RASSF8: variants seen among roughly 807,000 people sequenced by gnomAD.
RASSF8 encodes the protein Ras association domain family member 8, also known as ras association domain-containing protein 8.
A neutral mutation model predicts 48.5 loss-of-function variants in RASSF8; 22 were observed. The ratio of observed to expected loss-of-function variants is 0.45; its 90% CI spans 0.32 to 0.65. The LOEUF is 0.65. RASSF8 is among the 30% of genes least tolerant of loss of function. The pLI, the probability that RASSF8 is intolerant of heterozygous loss-of-function variation, is 0.03. For missense variants in RASSF8, 418 were observed against 489.2 expected, an observed-to-expected ratio of 0.85 and a Z score of 1.37; for synonymous variants, 127 against 171.5, an observed-to-expected ratio of 0.74 and a Z score of 2.03.
intron 1 of RASSF8, among the ~76,000 whole-genome samples, chr12:25,980,806 A>G (rs961887682): frequency 6.6e-6 from 1 of 152,226 alleles, no homozygotes; most frequent in Admixed American, 6.5e-5. Flanking sequence ...AATTCATGGA[A>G]TGAGATATTT....
intron 2 of RASSF8, among the ~76,000 whole-genome samples, chr12:26,001,891 T>C (rs922619252): frequency 3.3e-5 from 5 of 152,196 alleles, no homozygotes; most frequent in Admixed American, 6.5e-5. Flanking sequence ...ATATTATGCA[T>C]TGTAAATAAT....
intron 1 of RASSF8, among the ~76,000 whole-genome samples, chr12:25,992,658 G>A (rs1942041155): frequency 1.3e-5 from 2 of 152,284 alleles, no homozygotes; most frequent in African/African-American, 2.4e-5. Flanking sequence ...CTGAAGTGGG[G>A]TGAGGTAATG....
intron 2 of RASSF8, among the ~76,000 whole-genome samples, chr12:26,004,217 A>G (rs185131357): frequency 6.6e-6 from 1 of 152,328 alleles, no homozygotes; most frequent in Admixed American, 6.5e-5. Context: ...GACTATACAC[A>G]GAATTGAATA....
At chr12:25,984,968 A>G (rs1210768499) in intron 1 of RASSF8, among the ~76,000 whole-genome samples, 1 of 152,188 alleles carries the variant, frequency 6.6e-6, no homozygotes, top group Non-Finnish European at 1.5e-5. Context: ...GGACATTAAC[A>G]AACTGAAATG....
intron 2 of RASSF8, among the ~76,000 whole-genome samples, chr12:26,011,498 C>T (rs1942524064): frequency 6.6e-6 from 1 of 152,136 alleles, no homozygotes; most frequent in Non-Finnish European, 1.5e-5. Context: ...ACTATGATAA[C>T]TTGACATAAT....
chr12:26,070,526 G>A lies in RASSF8; in HGVS notation c.*1708G>A, dbSNP rs114145167. The A allele has an allele frequency of 5.4e-3, 5,308 of 983,712 alleles. 229 individuals carry two copies. In the African/African-American group the frequency reaches 0.087, roughly 16 times the overall value. 60.9% of individuals were successfully genotyped at this position (983,712 alleles called of 1,614,324 possible). A position where few individuals can be genotyped will look rare whatever the true frequency, so the allele number is the denominator to read the frequency against. ...TTATGTTACTTTGCAAATAACTGAA[G>A]TAAATGATTCTTACCTAAATAACCA... On this transcript the variant is annotated 3_prime_UTR_variant, in exon 6 of 6. Transcript: ENST00000689635.
intron 1 of RASSF8, among the ~76,000 whole-genome samples, chr12:25,992,117 C>G (rs549453366): frequency 6.6e-6 from 1 of 152,320 alleles, no homozygotes; most frequent in South Asian, 2.1e-4. Context: ...GCAGGACTTT[C>G]ACTGAGGATA....
chr12:25,999,107 A>G (rs997975689), intron 2 of RASSF8, among the ~76,000 whole-genome samples: 3 of 152,186 alleles, frequency 2.0e-5, no homozygotes, highest in African/African-American at 7.2e-5. Context: ...ACACAGCAGT[A>G]TGGTAGGTGA....
chr12:25,965,327 C>T (rs1180323993), intron 1 of RASSF8, among the ~76,000 whole-genome samples: 1 of 150,578 alleles, frequency 6.6e-6, no homozygotes, highest in Non-Finnish European at 1.5e-5. Flanking sequence ...TCTATGTATA[C>T]ACATGAAATC....
chr12:25,965,406 C>A (rs1201439210), intron 1 of RASSF8, among the ~76,000 whole-genome samples: 1 of 132,810 alleles, frequency 7.5e-6, no homozygotes, highest in African/African-American at 2.8e-5. Context: ...TGCTCTGTTG[C>A]CCAGGCTGGA....
chr12:26,070,120 A>C lies in RASSF8; in HGVS notation c.*1302A>C, dbSNP rs1343662413. On this transcript the variant is annotated 3_prime_UTR_variant, in exon 6 of 6. Transcript: ENST00000689635. The stretch of plus-strand genomic sequence containing the variant: ...CATTCCCTCTGGTTAGATTTGGTAC[A>C]GTATAATTAAGACTTTAATCTGAAA... 1.0e-6 allele frequency: 1 copy of C among 971,396 alleles called. No individual in the cohort carries two copies. Among genetic ancestry groups the C allele is most frequent in the East Asian group, 1.1e-4 (1 of 8,752 alleles). The allele number at this position is 971,396 out of a possible 1,614,324, so 60.2% of individuals were successfully genotyped here. A position where few individuals can be genotyped will look rare whatever the true frequency, so the allele number is the denominator to read the frequency against.
At chr12:26,003,782 T>C (rs988514750) in intron 2 of RASSF8, among the ~76,000 whole-genome samples, 1 of 152,118 alleles carries the variant, frequency 6.6e-6, no homozygotes, top group African/African-American at 2.4e-5. Context: ...GATTATATTT[T>C]TAAAAAAATC....
intron 1 of RASSF8, among the ~76,000 whole-genome samples, chr12:25,963,394 G>C (rs568627456): frequency 1.4e-5 from 2 of 142,514 alleles, no homozygotes; most frequent in Admixed American, 1.4e-4. Context: ...GAGTATTTTT[G>C]TCATGTGGTT....
chr12:26,040,826 A>G (rs1424322930), intron 2 of RASSF8, among the ~76,000 whole-genome samples: 2 of 151,956 alleles, frequency 1.3e-5, no homozygotes, highest in Non-Finnish European at 2.9e-5. Context: ...AGTTTGTTAG[A>G]CTATGATTTT....
At chr12:25,999,291 T>A (rs1942202142) in intron 2 of RASSF8, among the ~76,000 whole-genome samples, 1 of 152,230 alleles carries the variant, frequency 6.6e-6, no homozygotes. Context: ...TGCTCTGTGA[T>A]ATTGATAACA....
At chr12:26,066,711 C>A (rs1487562312) in intron 4 of RASSF8, among the ~76,000 whole-genome samples, 1 of 152,126 alleles carries the variant, frequency 6.6e-6, no homozygotes, top group African/African-American at 2.4e-5. Flanking sequence ...CCCCAAGTAC[C>A]CCCTACACTC....
rs532869018 is a variant in RASSF8, at chr12:26,033,848, G to A, written c.-108-21388G>A. 1.3e-5 allele frequency among the ~76,000 whole-genome samples: 2 copies of A among 152,154 alleles called. 1 individual carries two copies. The highest frequency in any genetic ancestry group is 4.8e-5 in the African/African-American group (2 of 41,494). On this transcript the variant is annotated intron_variant, in intron 2 of 5. Transcript: ENST00000689635. ...TCTCAGCTCCCATCTCCTACCAGTT[G>A]TATTGTCTCCAACTAGTTCACCTTT...
Position 26,031,852 on chromosome 12 carries a change from A to G in RASSF8, c.-108-23384A>G, listed in dbSNP as rs116382333. 6.0e-3 allele frequency among the ~76,000 whole-genome samples: 913 copies of G among 152,300 alleles called. 5 individuals are homozygous for G. Among genetic ancestry groups the G allele is most frequent in the African/African-American group, 0.021 (862 of 41,564 alleles). Reference sequence around the variant, plus strand: ...TATTTCTTATTCAGAGTAATCTAAAAAATCTGAGGAGATGCTTCAATGGCT... The same window carrying G: ...TATTTCTTATTCAGAGTAATCTAAAGAATCTGAGGAGATGCTTCAATGGCT... On this transcript the variant is annotated intron_variant, in intron 2 of 5. Coordinates refer to ENST00000689635, the MANE Select transcript of RASSF8 (RefSeq NM_001394098.1).
In RASSF8 at chr12:25,977,647, A is replaced by G. The variant is rs561646586; in HGVS notation, c.-202-17390A>G. On this transcript the variant is annotated intron_variant, in intron 1 of 5. Coordinates refer to ENST00000689635, the MANE Select transcript of RASSF8 (RefSeq NM_001394098.1). The stretch of plus-strand genomic sequence containing the variant: ...GGCAATATGATTTGCCAACTTTAGT[A>G]TACAAGTTAAAATATTTGTAAGGCA... Among the ~76,000 whole-genome samples the G allele has an allele frequency of 1.5e-3, 222 of 151,124 alleles. 1 individual carries two copies. The highest frequency in any genetic ancestry group is 5.2e-3 in the African/African-American group (214 of 40,840).
Sources: allele counts gnomAD v4.1 joint callset (sites outside exome capture counted in the v4.1 genomes callset), GRCh38; gene constraint gnomAD v4.1.1; transcripts MANE v1.5; gene names NCBI Gene and HGNC (gene_info 2026-07-23, HGNC 2026-07-21).